Variants in DLG2 observed in about 807,000 individuals in gnomAD.
DLG2 encodes discs large MAGUK scaffold protein 2, also known as disks large homolog 2.
A neutral mutation model predicts 132.5 loss-of-function variants in DLG2; 45 were observed. That is an observed-to-expected ratio of 0.34 (90% CI 0.27 to 0.44). The LOEUF is 0.44. DLG2 is among the 20% of genes least tolerant of loss of function. The pLI is 1.00. For missense variants in DLG2, 1,045 were observed against 1,196.9 expected (o/e 0.87, Z 1.87); for synonymous variants, 424 against 419.6 (o/e 1.01, Z -0.13).
intron 7 of DLG2, among the ~76,000 whole-genome samples, chr11:84,348,450 AG>A (rs2098548494): frequency 1.3e-5 from 2 of 152,188 alleles, no homozygotes; most frequent in Admixed American, 1.3e-4. Context: ...GGATGTTTAT[AG>A]GTATGCTAGG....
At chr11:84,651,331 G>A (rs968454080) in intron 6 of DLG2, among the ~76,000 whole-genome samples, 3 of 152,072 alleles carry the variant, frequency 2.0e-5, no homozygotes, top group African/African-American at 7.2e-5. Flanking sequence ...TATCGTCTTA[G>A]AAAATCTTAG....
chr11:83,552,063 C>A (rs891962113), intron 19 of DLG2, among the ~76,000 whole-genome samples: 1 of 152,150 alleles, frequency 6.6e-6, no homozygotes, highest in Non-Finnish European at 1.5e-5. Flanking sequence ...TGAATAAAAA[C>A]AGATAAAAAT....
chr11:83,560,522 G>A (rs1200757907), intron 19 of DLG2, among the ~76,000 whole-genome samples: 2 of 152,144 alleles, frequency 1.3e-5, no homozygotes, highest in African/African-American at 2.4e-5. Flanking sequence ...TTGTGTTGGA[G>A]GAGTGGGTTG....
At chr11:85,392,500 AAAAC>A (rs1422324805) in intron 3 of DLG2, among the ~76,000 whole-genome samples, 2 of 151,822 alleles carry the variant, frequency 1.3e-5, no homozygotes. Flanking sequence ...TAAGCAAAGC[AAAAC>A]AAAGAGGAAC....
Position 85,276,651 on chromosome 11 carries a change from T to C in DLG2, c.186+8569A>G, listed in dbSNP as rs188333572. On this transcript the variant is annotated intron_variant, in intron 4 of 27. Coordinates refer to ENST00000376104, the MANE Select transcript of DLG2 (RefSeq NM_001142699.3). ...TTAAAACTATCTTCAGAATCTTACC[T>C]AGGACTAAGCATCTTTTCACTGGGT... 2.4e-4 allele frequency among the ~76,000 whole-genome samples: 36 copies of C among 152,290 alleles called. 1 individual carries two copies. The highest frequency in any genetic ancestry group is 7.2e-4 in the African/African-American group (30 of 41,576).
chr11:84,913,388 A>G (rs2092249324), intron 6 of DLG2, among the ~76,000 whole-genome samples: 1 of 152,286 alleles, frequency 6.6e-6, no homozygotes, highest in Non-Finnish European at 1.5e-5. Flanking sequence ...ACTGCATCTC[A>G]TCTCAAAGCT....
chr11:84,468,700 AACTT>A (rs1210521409), intron 7 of DLG2, among the ~76,000 whole-genome samples: 3 of 151,574 alleles, frequency 2.0e-5, no homozygotes, highest in Non-Finnish European at 3.0e-5. Context: ...ATGTTTCTCA[AACTT>A]ACTTAGGTAA....
At chr11:84,537,249 G>A (rs1436726760) in intron 6 of DLG2, among the ~76,000 whole-genome samples, 1 of 152,230 alleles carries the variant, frequency 6.6e-6, no homozygotes, top group Admixed American at 6.5e-5. Flanking sequence ...TGGGACTACA[G>A]GCGGGCACCA....
chr11:84,964,801 G>A (rs2053094246), intron 6 of DLG2, among the ~76,000 whole-genome samples: 1 of 151,936 alleles, frequency 6.6e-6, no homozygotes, highest in South Asian at 2.1e-4. Context: ...CCTACCCCAG[G>A]TCTTTCTAAT....
At chr11:84,941,307 T>C (rs1392520151) in intron 6 of DLG2, among the ~76,000 whole-genome samples, 1 of 152,178 alleles carries the variant, frequency 6.6e-6, no homozygotes, top group African/African-American at 2.4e-5. Context: ...AATGTGTAGA[T>C]TGCTTTGAGA....
intron 6 of DLG2, among the ~76,000 whole-genome samples, chr11:85,104,411 G>A (rs1166428821): frequency 2.0e-5 from 3 of 151,856 alleles, no homozygotes; most frequent in Non-Finnish European, 2.9e-5. Context: ...GTACAACATG[G>A]ACGAACCTTG....
intron 6 of DLG2, among the ~76,000 whole-genome samples, chr11:84,642,922 T>G (rs1194531363): frequency 6.6e-6 from 1 of 152,200 alleles, no homozygotes; most frequent in Admixed American, 6.5e-5. Context: ...CAAGAAAAAT[T>G]ACCTGCATAA....
chr11:84,628,093 C>T (rs1411142330), intron 6 of DLG2, among the ~76,000 whole-genome samples: 1 of 129,124 alleles, frequency 7.7e-6, no homozygotes. Flanking sequence ...TATATGTACA[C>T]ACATATATAC....
intron 6 of DLG2, among the ~76,000 whole-genome samples, chr11:84,594,796 C>T (rs1281487797): frequency 6.6e-6 from 1 of 152,126 alleles, no homozygotes; most frequent in Non-Finnish European, 1.5e-5. Context: ...GAGCCTACTG[C>T]AATTATGGAA....
chr11:85,108,651 T>C (rs567946843), intron 6 of DLG2, among the ~76,000 whole-genome samples: 3 of 152,170 alleles, frequency 2.0e-5, no homozygotes, highest in Admixed American at 6.6e-5. Context: ...ATATTTGAAA[T>C]AGATTATAAA....
chr11:85,031,320 T>C (rs888231082), intron 6 of DLG2, among the ~76,000 whole-genome samples: 2 of 152,240 alleles, frequency 1.3e-5, no homozygotes. Context: ...TCATTGGTTT[T>C]AGGTATATTT....
chr11:85,536,554 T>C (rs1016940926), intron 3 of DLG2, among the ~76,000 whole-genome samples: 6 of 152,326 alleles, frequency 3.9e-5, no homozygotes, highest in African/African-American at 9.6e-5. Flanking sequence ...TGCTGCGCTA[T>C]GAGGGCCCCT....
intron 4 of DLG2, among the ~76,000 whole-genome samples, chr11:85,210,992 G>A (rs1197097522): frequency 6.6e-6 from 1 of 151,736 alleles, no homozygotes; most frequent in South Asian, 2.1e-4. Flanking sequence ...TTCTGTCTTG[G>A]TGTTTGCTTC....
chr11:85,177,656 A>C (rs1476436972), intron 4 of DLG2, among the ~76,000 whole-genome samples: 2 of 152,078 alleles, frequency 1.3e-5, no homozygotes, highest in African/African-American at 2.4e-5. Flanking sequence ...CACATCCTAC[A>C]TATATACCCC....
Sources: allele counts gnomAD v4.1 joint callset (sites outside exome capture counted in the v4.1 genomes callset), GRCh38; gene constraint gnomAD v4.1.1; transcripts MANE v1.5; gene names NCBI Gene and HGNC (gene_info 2026-07-23, HGNC 2026-07-21).